Variants in ADGRL3 observed in about 807,000 individuals in gnomAD.
The protein encoded by ADGRL3 is calcium-independent alpha-latrotoxin receptor 3.
A neutral mutation model predicts 153.5 loss-of-function variants in ADGRL3; 62 were observed. The observed-to-expected ratio is 0.40, with a 90% CI of 0.33 to 0.50. ADGRL3 has a LOEUF of 0.50. ADGRL3 is among the 20% of genes least tolerant of loss of function. The pLI, the probability that ADGRL3 is intolerant of heterozygous loss-of-function variation, is 0.47. For synonymous variants in ADGRL3, 710 were observed against 672.5 expected, an observed-to-expected ratio of 1.06 and a Z score of -0.86; for missense variants, 1,641 against 1,859.4, an observed-to-expected ratio of 0.88 and a Z score of 2.16.
intron 15 of ADGRL3, among the ~76,000 whole-genome samples, chr4:61,938,741 C>T (rs922348904): frequency 2.0e-5 from 3 of 151,516 alleles, no homozygotes; most frequent in African/African-American, 7.3e-5. Flanking sequence ...GCGGAAGTGC[C>T]CAGAGCAACG....
At chr4:61,358,596 CAAAAAAAAAAAAAA>C (rs71211377) in intron 1 of ADGRL3, among the ~76,000 whole-genome samples, 87 of 96,866 alleles carry the variant, frequency 9.0e-4, no homozygotes, top group African/African-American at 3.4e-3. Flanking sequence ...GACTCCGTCT[CAAAAAAAAAAAAAA>C]AAAAAAAGAA....
At chr4:61,815,781 G>A (rs2097681671) in intron 9 of ADGRL3, among the ~76,000 whole-genome samples, 1 of 152,198 alleles carries the variant, frequency 6.6e-6, no homozygotes, top group African/African-American at 2.4e-5. Flanking sequence ...AAACTAGGTA[G>A]GTCCTTTTTG....
chr4:61,524,468 G>T (rs192231254), intron 4 of ADGRL3, among the ~76,000 whole-genome samples: 145 of 151,482 alleles, frequency 9.6e-4, no homozygotes, highest in African/African-American at 3.3e-3. Flanking sequence ...TCTTTTTCTT[G>T]GTTATTAGGC....
At chr4:61,567,745 T>C (rs2098822272) in intron 4 of ADGRL3, among the ~76,000 whole-genome samples, 1 of 152,208 alleles carries the variant, frequency 6.6e-6, no homozygotes, top group Non-Finnish European at 1.5e-5. Context: ...CTAAAAGTTT[T>C]AGCAAGTACA....
intron 9 of ADGRL3, among the ~76,000 whole-genome samples, chr4:61,888,501 C>G (rs2098551826): frequency 6.6e-6 from 1 of 152,176 alleles, no homozygotes; most frequent in Non-Finnish European, 1.5e-5. Context: ...TGAATCCTTT[C>G]TTGGGCGCTG....
At position 61,235,440 on chromosome 4, in the gene ADGRL3, T is replaced by C. The variant is rs924817208; in HGVS notation, c.-240+33675T>C. Among the ~76,000 whole-genome samples, 8 of 152,220 alleles carry C rather than the reference T, an allele frequency of 5.3e-5. 1 individual carries two copies. Among genetic ancestry groups the C allele is most frequent in the Admixed American group, 5.2e-4 (8 of 15,276 alleles). On this transcript the variant is annotated intron_variant, in intron 1 of 26. Coordinates refer to ENST00000683033, the MANE Select transcript of ADGRL3 (RefSeq NM_001387552.1). ...AAATTATAATGTTTATAGTTCAGAA[T>C]GATACTGTAGTGTATTAGAGCTTGT...
At chr4:61,747,401 C>T (rs2096680398) in intron 8 of ADGRL3, among the ~76,000 whole-genome samples, 1 of 151,984 alleles carries the variant, frequency 6.6e-6, no homozygotes, top group South Asian at 2.1e-4. Flanking sequence ...AGAGACACAA[C>T]CAAAAAAGAG....
intron 1 of ADGRL3, among the ~76,000 whole-genome samples, chr4:61,337,441 C>G (rs183050506): frequency 6.6e-6 from 1 of 152,122 alleles, no homozygotes; most frequent in East Asian, 1.9e-4. Context: ...ATGCAACATG[C>G]TTGGGTTGCT....
chr4:61,541,403 C>G (rs1262427989), intron 4 of ADGRL3, among the ~76,000 whole-genome samples: 2 of 122,938 alleles, frequency 1.6e-5, no homozygotes, highest in Non-Finnish European at 3.2e-5. Context: ...GTAGTTGACT[C>G]TTTTAGCCAG....
chr4:61,876,416 T>G (rs544261440), intron 9 of ADGRL3, among the ~76,000 whole-genome samples: 2 of 152,176 alleles, frequency 1.3e-5, no homozygotes, highest in Non-Finnish European at 2.9e-5. Flanking sequence ...CTTGCCTGGC[T>G]AGTGGTATAA....
chr4:61,483,736 A>C (rs2098157871), intron 2 of ADGRL3, among the ~76,000 whole-genome samples: 2 of 151,040 alleles, frequency 1.3e-5, no homozygotes, highest in African/African-American at 4.9e-5. Context: ...AAATTCTGTC[A>C]AAAAAATAAA....
At chr4:61,768,551 T>C (rs1306777279) in intron 8 of ADGRL3, among the ~76,000 whole-genome samples, 2 of 151,962 alleles carry the variant, frequency 1.3e-5, no homozygotes, top group Non-Finnish European at 2.9e-5. Flanking sequence ...CAAGAATTAT[T>C]TAGATCTTGT....
chr4:61,966,696 A>C (rs2150573256), intron 17 of ADGRL3, among the ~76,000 whole-genome samples: 1 of 152,206 alleles, frequency 6.6e-6, no homozygotes, highest in South Asian at 2.1e-4. Context: ...TGTTTCAATG[A>C]GATCTCTGGG....
chr4:61,408,165 C>A (rs2097028258), intron 2 of ADGRL3, among the ~76,000 whole-genome samples: 1 of 151,976 alleles, frequency 6.6e-6, no homozygotes, highest in Non-Finnish European at 1.5e-5. Flanking sequence ...GGAAATCTCA[C>A]CAGAATTTAA....
chr4:62,055,528 G>A (rs1248504209), intron 25 of ADGRL3, among the ~76,000 whole-genome samples: 4 of 151,738 alleles, frequency 2.6e-5, no homozygotes, highest in Admixed American at 1.3e-4. Flanking sequence ...AATGATGAAA[G>A]AGTTCTTAGC....
At chr4:61,877,986 C>T (rs546768092) in intron 9 of ADGRL3, among the ~76,000 whole-genome samples, 33 of 152,150 alleles carry the variant, frequency 2.2e-4, no homozygotes, top group South Asian at 6.2e-4. Context: ...TCATGTTAGA[C>T]ATGCCTTGCC....
At position 62,076,766 on chromosome 4, in the gene ADGRL3, T is replaced by C. The variant is rs1747281230; in HGVS notation, c.*5858T>C. The C allele has an allele frequency of 6.6e-6, 1 of 152,032 alleles. No individual in the cohort carries two copies. The highest frequency in any genetic ancestry group is 2.4e-5 in the African/African-American group (1 of 41,556). The allele number at this position is 152,032 out of a possible 1,614,324, so 9.4% of individuals were successfully genotyped here. ...TTTATAAATGTTTCTTAAATATAAG[T>C]ATTTTGTCTGAATTCATCTTCACTC... On this transcript the variant is annotated 3_prime_UTR_variant, in exon 27 of 27. Transcript: ENST00000683033.
rs1161783783 is a variant in ADGRL3, at chr4:61,654,321, ACT to A, written c.474-22502_474-22501del. Among the ~76,000 whole-genome samples the A allele has an allele frequency of 3.3e-5, 5 of 151,764 alleles. No individual in the cohort carries two copies. The South Asian group carries it at 6.2e-4, about 19-fold the overall frequency. ...TTCTTAACATTAAAAATTTTACAAA[ACT>A]CTATATCAAATTTGGATATGCGTAC... On this transcript the variant is annotated intron_variant, in intron 5 of 26. Transcript: ENST00000683033.
At chr4:61,642,353 G>T (rs1347099026) in intron 5 of ADGRL3, among the ~76,000 whole-genome samples, 6 of 152,158 alleles carry the variant, frequency 3.9e-5, no homozygotes, top group African/African-American at 1.4e-4. Context: ...TAGACATGAA[G>T]TCCTTGCCCA....
Sources: allele counts gnomAD v4.1 joint callset (sites outside exome capture counted in the v4.1 genomes callset), GRCh38; gene constraint gnomAD v4.1.1; transcripts MANE v1.5; gene names NCBI Gene and HGNC (gene_info 2026-07-23, HGNC 2026-07-21).